CLK1: variants seen among roughly 807,000 people sequenced by gnomAD.
The protein encoded by CLK1 is dual specificity protein kinase CLK1.
CLK1 carries 40 observed loss-of-function variants against 60.9 expected under a neutral mutation model. That is an observed-to-expected ratio of 0.66 (90% CI 0.51 to 0.86). The LOEUF (loss-of-function observed/expected upper bound fraction) is 0.86. CLK1 is among the 40% of genes least tolerant of loss of function. CLK1 has a pLI of 0.00. For missense variants in CLK1, 563 were observed against 606.1 expected (o/e 0.93, Z 0.75); for synonymous variants, 203 against 184.4 (o/e 1.10, Z -0.82).
At chr2:200,858,425 T>TTATA (rs2039079642) in intron 5 of CLK1, among the ~76,000 whole-genome samples, 3 of 152,150 alleles carry the variant, frequency 2.0e-5, no homozygotes, top group Non-Finnish European at 2.9e-5. Context: ...CCGGGAGCAG[T>TTATA]GGCTCTCACG....
chr2:200,853,261 A>C lies in CLK1; in HGVS notation c.*45T>G, dbSNP rs2038974632. The stretch of plus-strand genomic sequence containing the variant: ...AACTTAAAATTTAAAAATTAGACTG[A>C]TACAGTCTGTAAGATCTCTTCGAGA... On this transcript the variant is annotated 3_prime_UTR_variant, in exon 13 of 13. Coordinates refer to ENST00000321356, the MANE Select transcript of CLK1 (RefSeq NM_004071.4). 2.8e-6 allele frequency: 4 copies of C among 1,442,144 alleles called. No individual in the cohort carries two copies. The highest frequency in any genetic ancestry group is 3.8e-6 in the Non-Finnish European group (4 of 1,062,288). The allele number at this position is 1,442,144 out of a possible 1,614,324, so 89.3% of individuals were successfully genotyped here.
chr2:200,855,629 C>A (rs536314207), intron 9 of CLK1, among the ~76,000 whole-genome samples: 1 of 148,776 alleles, frequency 6.7e-6, no homozygotes, highest in Non-Finnish European at 1.5e-5. Context: ...CGCCCCCCCC[C>A]CAAAAAATTA....
At chr2:200,860,639 T>C (rs2105740683) in intron 3 of CLK1, 1 of 996,922 alleles carries the variant, frequency 1.0e-6, no homozygotes, top group Non-Finnish European at 1.2e-6. Flanking sequence ...CTACCTAATC[T>C]AAGAAAACAA....
In CLK1 at chr2:200,861,461, T is replaced by A. The variant is rs1443540702; in HGVS notation, c.167A>T (p.Tyr56Phe). The stretch of plus-strand genomic sequence containing the variant: ...CTCATTTATAGACCTGCTTTCCAAA[T>A]AATGGCTAGAGAAATAAAAATTATT... ...YNHSKMCDSH[Y>F]LESRSINEKD... Residue 56 changes from tyrosine (Y) to phenylalanine (F), a missense_variant, in exon 3 of 13, where the codon TAT (tyrosine) becomes TTT (phenylalanine). Around this residue, in one of 3 missense-constraint regions of CLK1, gnomAD observed 198 missense variants for 179.2 expected, o/e 1.10. Coordinates refer to ENST00000321356, the MANE Select transcript of CLK1 (RefSeq NM_004071.4). 2 of 1,612,156 alleles carry A rather than the reference T, an allele frequency of 1.2e-6. No individual in the cohort carries two copies. Among genetic ancestry groups the A allele is most frequent in the Non-Finnish European group, 1.7e-6 (2 of 1,179,478 alleles).
rs375537428 is a variant in CLK1 at position 200,858,016 on chromosome 2, G to T, written c.622C>A (p.Gln208Lys). Residue 208 changes from glutamine (Q) to lysine (K), a missense_variant, in exon 6 of 13, where the codon CAA (glutamine) becomes AAA (lysine). Physicochemically the swap from Gln to Lys is moderately conservative, Grantham distance 53 (BLOSUM62 1). Transcript: ENST00000321356. ...RYCEAARSEI[Q>K]VLEHLNTTDP... ...GTTGTATTCAGATGTTCCAGAACTT[G>T]TATTTCTGAGCGAGCAGCTTCACAG... The T allele has an allele frequency of 5.0e-5, 80 of 1,613,892 alleles. 1 individual carries two copies. The highest frequency in any genetic ancestry group is 2.3e-4 in the South Asian group (21 of 91,086).
In CLK1 at chr2:200,861,689, G is replaced by A. The variant is rs1330339735; in HGVS notation, c.161+13C>T. 6.2e-7 allele frequency: 1 copy of A among 1,613,138 alleles called. No individual in the cohort carries two copies. Among genetic ancestry groups the A allele is most frequent in the Non-Finnish European group, 8.5e-7 (1 of 1,179,550 alleles). ...GTATTGTTATATTCAGACATTTTAA[G>A]TATCCTCCTTACCTATCACACATTT... On this transcript the variant is annotated intron_variant, in intron 2 of 12. Coordinates refer to ENST00000321356, the MANE Select transcript of CLK1 (RefSeq NM_004071.4).
In CLK1 at chr2:200,861,308, C is replaced by A. The variant is rs768579514; in HGVS notation, c.320G>T (p.Arg107Ile). Residue 107 changes from arginine (R) to isoleucine (I), a missense_variant, in exon 3 of 13, where the codon AGA becomes ATA. Physicochemically the swap from Arg to Ile is moderately conservative, Grantham distance 97. Around this residue, in one of 3 missense-constraint regions of CLK1, gnomAD observed 198 missense variants for 179.2 expected, o/e 1.10. Coordinates refer to ENST00000321356, the MANE Select transcript of CLK1 (RefSeq NM_004071.4). ...YQNHSSKSSG[R>I]SGRSSYKSKH... ...GCTTTTATAACTACTTCTTCCACTT[C>A]TACCAGAAGACTTGCTACTATGGTT... The A allele has an allele frequency of 6.2e-7, 1 of 1,614,180 alleles. No homozygotes were observed. Among genetic ancestry groups the A allele is most frequent in the South Asian group, 1.1e-5 (1 of 91,070 alleles).
At chr2:200,864,267 C>T (rs377556069) in intron 1 of CLK1, 9 of 1,502,186 alleles carry the variant, frequency 6.0e-6, no homozygotes, top group East Asian at 5.0e-5. Context: ...TGGCGCCCGC[C>T]CGACCGTCCC....
chr2:200,857,685 CA>C, intron 7 of CLK1, 32 bp downstream of exon 7: 1 of 1,535,564 alleles, frequency 6.5e-7, no homozygotes, highest in Non-Finnish European at 8.8e-7. Context: ...TGGATAAAAC[CA>C]GCAAATTAAC....
intron 1 of CLK1, among the ~76,000 whole-genome samples, chr2:200,862,946 A>G (rs993123423): frequency 6.6e-6 from 1 of 152,226 alleles, no homozygotes; most frequent in Non-Finnish European, 1.5e-5. Context: ...CCAAGCACAT[A>G]CAACATAATT....
intron 10 of CLK1, 107 bp downstream of exon 10, chr2:200,854,897 C>A: frequency 1.2e-6 from 1 of 860,510 alleles, no homozygotes; most frequent in Non-Finnish European, 1.9e-6. Context: ...TTTATTTATG[C>A]TTATCTACAA....
chr2:200,857,970 T>C lies in CLK1; in HGVS notation c.665+3A>G. The C allele has an allele frequency of 6.2e-7, 1 of 1,613,310 alleles. No individual in the cohort carries two copies. Among genetic ancestry groups the C allele is most frequent in the African/African-American group, 1.3e-5 (1 of 75,042 alleles). ...ACTTCCCAAGTTCTAATCTGATACT[T>C]ACAAAGTACTGTTGGGGTCTGTTGT... is the stretch of plus-strand genomic sequence containing the variant. On this transcript the variant is annotated splice_donor_region_variant and intron_variant, in intron 6 of 12. Transcript: ENST00000321356.
intron 4 of CLK1, 94 bp downstream of exon 4, chr2:200,860,031 G>A (rs2039110409): frequency 2.7e-6 from 4 of 1,500,130 alleles, no homozygotes; most frequent in Non-Finnish European, 3.6e-6. Context: ...ACAAAAAAGA[G>A]AAAGAAAAAA....
chr2:200,860,327 T>A lies in CLK1; in HGVS notation c.391-112A>T, dbSNP rs183685511. The A allele has an allele frequency of 4.5e-6, 7 of 1,553,746 alleles. No homozygotes were observed. In the East Asian group the frequency reaches 1.1e-4, roughly 25 times the overall value. On this transcript the variant is annotated intron_variant, in intron 3 of 12. Coordinates refer to ENST00000321356, the MANE Select transcript of CLK1 (RefSeq NM_004071.4). The stretch of plus-strand genomic sequence containing the variant: ...GCGGGGAGATATTCAGGCATTCAGA[T>A]ACACGCCAGGCCACAAACGGTTGGC...
chr2:200,853,844 CA>C (rs1193880407), intron 12 of CLK1, 58 bp downstream of exon 12: 8 of 1,386,308 alleles, frequency 5.8e-6, no homozygotes, highest in East Asian at 2.4e-5. Flanking sequence ...GGCTCGGTCT[CA>C]AAAGACAAAC....
chr2:200,857,293 G>GACCATTCAAAAAACATTTCAAAAAACAAA (rs1491510902), intron 7 of CLK1: 73 of 300,050 alleles, frequency 2.4e-4, no homozygotes, highest in Non-Finnish European at 3.6e-4. Flanking sequence ...ACAACAAAGC[G>GACCATTCAAAAAACATTTCAAAAAACAAA]AGACTCCATT....
chr2:200,856,631 T>C (rs1177682557), intron 9 of CLK1, 51 bp downstream of exon 9: 2 of 1,502,858 alleles, frequency 1.3e-6, no homozygotes, highest in Non-Finnish European at 1.8e-6. Flanking sequence ...AAAAAAATTT[T>C]AAGTCTCAAT....
At chr2:200,861,977 A>G in intron 1 of CLK1, 115 bp from the exon 2 acceptor site, 1 of 742,816 alleles carries the variant, frequency 1.3e-6, no homozygotes, top group South Asian at 1.8e-5. Context: ...TTCAAGAATC[A>G]TTATCACCCA....
intron 2 of CLK1, 56 bp downstream of exon 2, chr2:200,861,646 C>T (rs1340351132): frequency 6.3e-7 from 1 of 1,587,522 alleles, no homozygotes; most frequent in Non-Finnish European, 8.6e-7. Flanking sequence ...TTAAGTGATA[C>T]TAGTTTTGTC....
Sources: allele counts gnomAD v4.1 joint callset (sites outside exome capture counted in the v4.1 genomes callset), GRCh38; gene constraint gnomAD v4.1.1; regional missense constraint gnomAD v4.1.1; transcripts MANE v1.5; gene names NCBI Gene and HGNC (gene_info 2026-07-23, HGNC 2026-07-21).